Variants in MDGA2 observed in about 807,000 individuals in gnomAD.
MDGA2 encodes MAM domain containing glycosylphosphatidylinositol anchor 2.
A neutral mutation model predicts 117.8 loss-of-function variants in MDGA2; 40 were observed. The ratio of observed to expected loss-of-function variants is 0.34; its 90% CI spans 0.26 to 0.44. MDGA2 has a LOEUF of 0.44. Ranked by LOEUF, MDGA2 falls within the 20% of genes least tolerant of loss-of-function variation. The pLI, the probability that MDGA2 is intolerant of heterozygous loss-of-function variation, is 1.00. For missense variants in MDGA2, 1,123 were observed against 1,250.6 expected, an observed-to-expected ratio of 0.90 and a Z score of 1.54; for synonymous variants, 452 against 439.0, an observed-to-expected ratio of 1.03 and a Z score of -0.37.
chr14:47,150,572 A>G (rs1883122096), intron 3 of MDGA2, among the ~76,000 whole-genome samples: 2 of 152,118 alleles, frequency 1.3e-5, no homozygotes, highest in African/African-American at 4.8e-5. Context: ...CCTTTCCTCA[A>G]TACCTATCCT....
At chr14:47,565,795 A>C (rs28871115) in intron 1 of MDGA2, among the ~76,000 whole-genome samples, 18,623 of 152,224 alleles carry the variant, frequency 0.12, 1,381 homozygotes, top group African/African-American at 0.2. Flanking sequence ...CCGTGCTGGC[A>C]TGGGGACAGG....
intron 1 of MDGA2, among the ~76,000 whole-genome samples, chr14:47,584,894 T>C (rs1293540568): frequency 6.6e-6 from 1 of 151,826 alleles, no homozygotes; most frequent in African/African-American, 2.4e-5. Context: ...TCCCTGTCCT[T>C]AGAATGCCTT....
chr14:47,284,186 G>A (rs1888593886), intron 2 of MDGA2, among the ~76,000 whole-genome samples: 1 of 152,162 alleles, frequency 6.6e-6, no homozygotes, highest in African/African-American at 2.4e-5. Context: ...TAACTTAAAA[G>A]AGACTATCCT....
intron 10 of MDGA2, among the ~76,000 whole-genome samples, chr14:46,893,294 A>G (rs1002922544): frequency 6.6e-6 from 1 of 152,014 alleles, no homozygotes; most frequent in Admixed American, 6.6e-5. Context: ...CTAAAACAAA[A>G]CAAAACAAAA....
intron 1 of MDGA2, among the ~76,000 whole-genome samples, chr14:47,472,220 T>A (rs1406274183): frequency 6.6e-6 from 1 of 152,206 alleles, no homozygotes; most frequent in Non-Finnish European, 1.5e-5. Flanking sequence ...ATTCATAGTA[T>A]ATACAGTCAT....
chr14:46,894,520 G>C (rs527937115), intron 10 of MDGA2, among the ~76,000 whole-genome samples: 1 of 152,048 alleles, frequency 6.6e-6, no homozygotes, highest in African/African-American at 2.4e-5. Flanking sequence ...TTAGGACAAG[G>C]GTTAGTCATA....
chr14:47,057,237 A>G (rs1184110244), intron 7 of MDGA2, among the ~76,000 whole-genome samples: 1 of 152,106 alleles, frequency 6.6e-6, no homozygotes, highest in Non-Finnish European at 1.5e-5. Flanking sequence ...TTTCTCTGTA[A>G]AAGTTTCTTA....
Position 47,299,555 on chromosome 14 carries a change from T to C in MDGA2, c.420+1856A>G, listed in dbSNP as rs188708822. The stretch of plus-strand genomic sequence containing the variant: ...TATTCCATGTCTACAAAACAAAAAA[T>C]ATAATCAAATTATAACAACACTATA... On this transcript the variant is annotated intron_variant, in intron 2 of 16. Coordinates refer to ENST00000399232, the MANE Select transcript of MDGA2 (RefSeq NM_001113498.3). The C allele has an allele frequency of 2.0e-5, 3 of 152,286 alleles. 1 individual carries two copies. Among genetic ancestry groups the C allele is most frequent in the Admixed American group, 6.5e-5 (1 of 15,296 alleles). 9.4% of individuals were successfully genotyped at this position (152,286 alleles called of 1,614,324 possible).
At chr14:47,120,171 A>C (rs1309919923) in intron 5 of MDGA2, among the ~76,000 whole-genome samples, 1 of 152,206 alleles carries the variant, frequency 6.6e-6, no homozygotes, top group Non-Finnish European at 1.5e-5. Context: ...GTAGCTTCTT[A>C]AAGTAAAAAC....
intron 3 of MDGA2, among the ~76,000 whole-genome samples, chr14:47,212,033 ACT>A: frequency 8.2e-6 from 1 of 121,722 alleles, no homozygotes; most frequent in Non-Finnish European, 2.0e-5. Context: ...TTGAATAGAC[ACT>A]CAATGAATGA....
Position 47,121,415 on chromosome 14 carries a change from AT to A in MDGA2, c.925+10298del, listed in dbSNP as rs577849758. ...AATTTACATTAAATGGATATACAAT[AT>A]TTTATATTTACTTATTTTGCCAACT... On this transcript the variant is annotated intron_variant, in intron 5 of 16. Transcript: ENST00000399232. Among the ~76,000 whole-genome samples, 25 of 152,190 alleles carry A rather than the reference AT, an allele frequency of 1.6e-4. 1 individual carries two copies. The South Asian group carries it at 5.0e-3, about 30-fold the overall frequency.
At chr14:47,443,689 A>T (rs570907165) in intron 1 of MDGA2, among the ~76,000 whole-genome samples, 12 of 152,278 alleles carry the variant, frequency 7.9e-5, no homozygotes, top group African/African-American at 2.9e-4. Context: ...TAATATTTCA[A>T]ATAATAATAA....
intron 1 of MDGA2, among the ~76,000 whole-genome samples, chr14:47,583,639 T>C (rs535345231): frequency 6.3e-4 from 95 of 151,970 alleles, no homozygotes; most frequent in Non-Finnish European, 1.2e-3. Context: ...GTCTGTTTAT[T>C]AATAACTACC....
intron 1 of MDGA2, among the ~76,000 whole-genome samples, chr14:47,520,546 AATTAT>A (rs1323270011): frequency 2.6e-5 from 4 of 152,212 alleles, no homozygotes; most frequent in African/African-American, 9.6e-5. Context: ...AGGCCTGAGA[AATTAT>A]ATTAGTCATT....
rs1223543565 is a variant in MDGA2 at position 46,884,050 on chromosome 14, TG to T, written c.2239-1830del. Among the ~76,000 whole-genome samples the T allele has an allele frequency of 4.6e-5, 7 of 152,198 alleles. No homozygotes were observed. In the South Asian group the frequency reaches 1.5e-3, roughly 32 times the overall value. Reference sequence around the variant, plus strand: ...ATAATATGGCTTAAAATTCTATTATTGGGGGTTATCTGTGGCCTATGACAAA... The same window carrying T: ...ATAATATGGCTTAAAATTCTATTATTGGGGTTATCTGTGGCCTATGACAAA... On this transcript the variant is annotated intron_variant, in intron 10 of 16. Coordinates refer to ENST00000399232, the MANE Select transcript of MDGA2 (RefSeq NM_001113498.3). The surrounding 1 kb of genome is among the most constrained non-coding windows in gnomAD (Gnocchi z 4.1).
chr14:47,000,356 CAT>C (rs1195334902), intron 8 of MDGA2, among the ~76,000 whole-genome samples: 4 of 67,364 alleles, frequency 5.9e-5, no homozygotes, highest in African/African-American at 2.0e-4. Context: ...TATACACACA[CAT>C]ATATATGTAT....
chr14:47,026,482 A>G (rs1259083592), intron 8 of MDGA2, among the ~76,000 whole-genome samples: 1 of 152,182 alleles, frequency 6.6e-6, no homozygotes, highest in Non-Finnish European at 1.5e-5. Context: ...ATAGCACTTT[A>G]TATTTCCCTT....
chr14:46,843,850 A>G (rs1284612792), intron 16 of MDGA2, among the ~76,000 whole-genome samples: 1 of 152,184 alleles, frequency 6.6e-6, no homozygotes, highest in Non-Finnish European at 1.5e-5. Context: ...TATGTGCTAA[A>G]TAATTGATGA....
Position 47,035,201 on chromosome 14 carries a change from G to T in MDGA2, c.1629C>A (p.Ile543=). The change falls in exon 8 of 17, where the codon ATC becomes ATA. Residue 543 remains isoleucine (I), a synonymous_variant. Coordinates refer to ENST00000399232, the MANE Select transcript of MDGA2 (RefSeq NM_001113498.3). ...CTTTATCCGCTCTAGACCAAAGGAT[G>T]ATTGGTTTAGGTTTGCCAGTTACTT... ...QCQVTGKPKP[I]ILWSRADKEV... is the part of the protein sequence containing the mutation. 6.2e-7 allele frequency: 1 copy of T among 1,614,110 alleles called. No homozygotes were observed. Among genetic ancestry groups the T allele is most frequent in the Admixed American group, 1.7e-5 (1 of 60,026 alleles).
Sources: gnomAD v4.1 joint callset for allele counts (sites outside exome capture counted in the v4.1 genomes callset) on GRCh38, gnomAD v4.1.1 for gene constraint, Gnocchi (gnomAD v3.1) non-coding constraint, MANE v1.5 for transcripts, NCBI Gene and HGNC (gene_info 2026-07-23, HGNC 2026-07-21) for gene names.